The following DNMBP variants were observed in gnomAD, a reference collection of about 807,000 sequenced individuals.
The protein encoded by DNMBP is dynamin binding protein, also known as dynamin-binding protein.
In DNMBP, 87 loss-of-function variants were observed where a neutral mutation model predicts 150.0. That is an observed-to-expected ratio of 0.58 (90% CI 0.49 to 0.69). The LOEUF (loss-of-function observed/expected upper bound fraction) is 0.69. DNMBP is among the 30% of genes least tolerant of loss of function. The pLI is 0.00. For synonymous variants in DNMBP, 711 were observed against 750.4 expected (o/e 0.95, Z 0.86); for missense variants, 1,774 against 1,949.0 (o/e 0.91, Z 1.69).
rs539976576 is a variant in DNMBP, at chr10:99,986,576, CAG to C, written c.-10-14444_-10-14443del. On this transcript the variant is annotated intron_variant, in intron 1 of 16. Coordinates refer to ENST00000324109, the MANE Select transcript of DNMBP (RefSeq NM_015221.4). The stretch of plus-strand genomic sequence containing the variant: ...TGCCACTGTACTCCAGCCTGGGAGA[CAG>C]AGCAAGACTCCGTCTCAAAAAAAAA... Among the ~76,000 whole-genome samples, 749 of 112,286 alleles carry C rather than the reference CAG, an allele frequency of 6.7e-3. 9 individuals are homozygous for C. Among genetic ancestry groups the C allele is most frequent in the African/African-American group, 0.025 (720 of 28,930 alleles). The allele number at this position is 112,286 out of a possible 152,430, so 73.7% of individuals were successfully genotyped here. A position where few individuals can be genotyped will look rare whatever the true frequency, so the allele number is the denominator to read the frequency against.
At chr10:99,909,169 T>G in intron 4 of DNMBP, 23 bp from the exon 5 acceptor site, 4 of 1,598,232 alleles carry the variant, frequency 2.5e-6, no homozygotes, top group Non-Finnish European at 3.4e-6. Flanking sequence ...AGAGAACTGG[T>G]TAGCAGCTCT....
intron 9 of DNMBP, among the ~76,000 whole-genome samples, chr10:99,896,888 T>C (rs938140146): frequency 4.6e-5 from 7 of 152,146 alleles, no homozygotes; most frequent in Non-Finnish European, 7.4e-5. Context: ...AGTGTAGAGA[T>C]AAAAGTAGAA....
intron 4 of DNMBP, chr10:99,914,087 C>T: frequency 3.6e-6 from 5 of 1,400,926 alleles, no homozygotes; most frequent in Non-Finnish European, 4.7e-6. Context: ...TTCCCCCAGG[C>T]TTCCCACATT....
chr10:99,898,507 CT>C, intron 8 of DNMBP: 1 of 664,110 alleles, frequency 1.5e-6, no homozygotes, highest in Non-Finnish European at 2.6e-6. Context: ...AGGTACTGTT[CT>C]AGGTGCTGGG....
At chr10:99,883,634 G>A (rs1206998506) in intron 15 of DNMBP, among the ~76,000 whole-genome samples, 1 of 48,834 alleles carries the variant, frequency 2.0e-5, no homozygotes, top group African/African-American at 7.6e-5. Context: ...GAGCAAGACT[G>A]CCACAAAAAA....
At chr10:99,975,783 T>C (rs1018215397) in intron 1 of DNMBP, among the ~76,000 whole-genome samples, 3 of 152,236 alleles carry the variant, frequency 2.0e-5, no homozygotes, top group Admixed American at 1.3e-4. Context: ...TTGGACATCT[T>C]ACTTAAACTC....
In DNMBP at chr10:99,896,351, A is replaced by C; in HGVS notation, c.2967T>G (p.Ile989Met). Residue 989 changes from isoleucine (I) to methionine (M), a missense_variant, in exon 10 of 17, where the codon ATT becomes ATG. By Grantham distance (10) the Ile-to-Met change is conservative. This residue lies in a region of DNMBP where 1,430 missense variants were observed against 1,492.5 expected (regional missense o/e 0.96). Coordinates refer to ENST00000324109, the MANE Select transcript of DNMBP (RefSeq NM_015221.4). The part of the protein sequence containing the change: ...KGDEDSLMEK[I>M]SKLNIHSIIK... ...TGATGGAGTGGATGTTCAGTTTGGA[A>C]ATTTTCTCCATAAGGCTATCTTCAT... 1 of 1,614,114 alleles carries C rather than the reference A, an allele frequency of 6.2e-7. No homozygotes were observed. The highest frequency in any genetic ancestry group is 8.5e-7 in the Non-Finnish European group (1 of 1,180,000).
intron 1 of DNMBP, among the ~76,000 whole-genome samples, chr10:100,002,185 G>A (rs1330337780): frequency 6.6e-6 from 1 of 152,112 alleles, no homozygotes; most frequent in African/African-American, 2.4e-5. Flanking sequence ...AAAAAACAGA[G>A]ACAGAGAAAT....
At chr10:99,993,067 T>G (rs1234011658) in intron 1 of DNMBP, among the ~76,000 whole-genome samples, 1 of 151,930 alleles carries the variant, frequency 6.6e-6, no homozygotes. Flanking sequence ...AGATTCAACA[T>G]AAAAATAAAA....
At chr10:99,982,921 G>A (rs978761818) in intron 1 of DNMBP, among the ~76,000 whole-genome samples, 5 of 151,398 alleles carry the variant, frequency 3.3e-5, no homozygotes, top group South Asian at 2.1e-4. Context: ...CAAGCTGATC[G>A]CACTACTGCA....
rs79660497 is a variant in DNMBP at position 99,930,339 on chromosome 10, C to T, written c.2261-21193G>A. 2.0e-3 allele frequency: 1,405 copies of T among 703,024 alleles called. 31 individuals carry two copies. The East Asian group carries it at 0.035, about 18-fold the overall frequency. 43.5% of individuals were successfully genotyped at this position (703,024 alleles called of 1,614,324 possible). ...CTCAGGATTATAATTCAGATTCTTA[C>T]AGTCTGAGTAGCCATTTGCCTCCCC... On this transcript the variant is annotated intron_variant, in intron 4 of 16. Transcript: ENST00000324109.
At chr10:99,989,602 T>G (rs753731890) in intron 1 of DNMBP, among the ~76,000 whole-genome samples, 1 of 152,086 alleles carries the variant, frequency 6.6e-6, no homozygotes, top group East Asian at 1.9e-4. Context: ...TCCCAGCTAT[T>G]TGGGACACTG....
At chr10:99,975,296 T>C (rs1296898247) in intron 1 of DNMBP, among the ~76,000 whole-genome samples, 1 of 151,340 alleles carries the variant, frequency 6.6e-6, no homozygotes. Context: ...GGAGGCGGAG[T>C]TGCAGTGAGC....
At chr10:99,948,486 T>C (rs1055013608) in intron 4 of DNMBP, among the ~76,000 whole-genome samples, 1 of 152,142 alleles carries the variant, frequency 6.6e-6, no homozygotes, top group Non-Finnish European at 1.5e-5. Flanking sequence ...TCAGGTGTCT[T>C]CACCTCAACT....
At chr10:99,953,671 T>C (rs1483892195) in intron 4 of DNMBP, among the ~76,000 whole-genome samples, 1 of 151,736 alleles carries the variant, frequency 6.6e-6, no homozygotes, top group Non-Finnish European at 1.5e-5. Context: ...AATAGAAAAA[T>C]TAGCCAGGCG....
rs1281583324 is a variant in DNMBP, at chr10:99,955,924, A to G, written c.1550T>C (p.Ile517Thr). The G allele has an allele frequency of 6.2e-7, 1 of 1,614,066 alleles. No homozygotes were observed. Among genetic ancestry groups the G allele is most frequent in the Non-Finnish European group, 8.5e-7 (1 of 1,179,980 alleles). Residue 517 changes from isoleucine (I) to threonine (T), a missense_variant, in exon 4 of 17, where the codon ATC (isoleucine) becomes ACC (threonine). Coordinates refer to ENST00000324109, the MANE Select transcript of DNMBP (RefSeq NM_015221.4). ...KKHHTSSVYSISERLEMKPGP... is the reference protein window; with the variant it reads ...KKHHTSSVYSTSERLEMKPGP... The stretch of plus-strand genomic sequence containing the variant: ...AGGCTTCATCTCCAATCTCTCTGAG[A>G]TGGAGTAAACACTGGACGTGTGGTG...
chr10:99,914,026 A>T, intron 4 of DNMBP: 1 of 1,505,756 alleles, frequency 6.6e-7, no homozygotes, highest in South Asian at 1.3e-5. Context: ...ATCTTCCCAG[A>T]GCTCTGGAAT....
chr10:99,898,083 T>C lies in DNMBP; in HGVS notation c.2920+3A>G. 1.2e-6 allele frequency: 2 copies of C among 1,612,954 alleles called. No homozygotes were observed. Among genetic ancestry groups the C allele is most frequent in the Non-Finnish European group, 1.7e-6 (2 of 1,178,886 alleles). ...TCCTTTTCAGCAATTATGCTGTTCT[T>C]ACCCAGGTCCTTTCGCCGTTTATAT... On this transcript the variant is annotated splice_donor_region_variant and intron_variant, in intron 9 of 16. Coordinates refer to ENST00000324109, the MANE Select transcript of DNMBP (RefSeq NM_015221.4).
At chr10:99,939,183 C>T (rs2040267579) in intron 4 of DNMBP, among the ~76,000 whole-genome samples, 1 of 152,106 alleles carries the variant, frequency 6.6e-6, no homozygotes, top group Admixed American at 6.5e-5. Flanking sequence ...CTGTGACTGC[C>T]CATGTTGTTG....
Sources: gnomAD v4.1 joint callset for allele counts (sites outside exome capture counted in the v4.1 genomes callset) on GRCh38, gnomAD v4.1.1 for gene constraint, gnomAD v4.1.1 regional missense constraint, MANE v1.5 for transcripts, NCBI Gene and HGNC (gene_info 2026-07-23, HGNC 2026-07-21) for gene names.